Variants in CPT1A observed in about 807,000 individuals in gnomAD.
CPT1A encodes carnitine palmitoyltransferase 1A, also known as carnitine O-palmitoyltransferase 1, liver isoform.
In CPT1A, 64 loss-of-function variants were observed where a neutral mutation model predicts 100.8. The ratio of observed to expected loss-of-function variants is 0.63; its 90% CI spans 0.52 to 0.78. The LOEUF (loss-of-function observed/expected upper bound fraction) is 0.78, where lower values mean the gene tolerates loss of function less well. Ranked by LOEUF, CPT1A falls within the 30% of genes least tolerant of loss-of-function variation. The pLI is 0.00. For synonymous variants in CPT1A, 363 were observed against 396.0 expected (o/e 0.92, Z 0.99); for missense variants, 802 against 1,034.1 (o/e 0.78, Z 3.08).
At chr11:68,839,771 C>G (rs567586158) in intron 1 of CPT1A, 1 of 960,574 alleles carries the variant, frequency 1.0e-6, no homozygotes, top group Non-Finnish European at 1.2e-6. Context: ...AAGGGCAGGC[C>G]CTCGTTCCAG....
intron 8 of CPT1A, 146 bp from the exon 9 acceptor site, chr11:68,793,548 A>C: frequency 1.6e-6 from 1 of 609,136 alleles, no homozygotes. Context: ...GATGGAGACC[A>C]TCCTGGCTAA....
rs147395530 is a variant in CPT1A at position 68,803,916 on chromosome 11, G to A, written c.555+84C>T. ...CTGAAGGCTACTTGAGCCAAATGGC[G>A]GTGACCTAGTTCATCATAATTAAGA... On this transcript the variant is annotated intron_variant, in intron 5 of 18. Transcript: ENST00000265641. 5.0e-4 allele frequency: 544 copies of A among 1,078,462 alleles called. 2 individuals are homozygous for A. The African/African-American group carries it at 7.4e-3, about 15-fold the overall frequency. 66.8% of individuals were successfully genotyped at this position (1,078,462 alleles called of 1,614,324 possible).
chr11:68,764,267 A>T (rs560428259), intron 14 of CPT1A, among the ~76,000 whole-genome samples: 7 of 152,330 alleles, frequency 4.6e-5, no homozygotes, highest in African/African-American at 1.7e-4. Context: ...AGTGGGGACG[A>T]GAAGGTGATA....
At chr11:68,779,752 T>C (rs770018639) in intron 12 of CPT1A, among the ~76,000 whole-genome samples, 6 of 143,886 alleles carry the variant, frequency 4.2e-5, no homozygotes, top group Non-Finnish European at 9.0e-5. Flanking sequence ...GCTATGATTG[T>C]GCCACTGCAC....
At chr11:68,773,522 G>A in intron 13 of CPT1A, 93 bp from the exon 14 acceptor site, 5 of 1,590,778 alleles carry the variant, frequency 3.1e-6, no homozygotes, top group Non-Finnish European at 4.3e-6. Context: ...TTTTAGTGCA[G>A]CTATAAACTC....
At chr11:68,764,209 AG>A (rs1854720380) in intron 14 of CPT1A, among the ~76,000 whole-genome samples, 1 of 152,220 alleles carries the variant, frequency 6.6e-6, no homozygotes, top group African/African-American at 2.4e-5. Context: ...TGCTGCCCCA[AG>A]AAGGGGCCCG....
At position 68,812,526 on chromosome 11, in the gene CPT1A, G is replaced by A. The variant is rs142691028; in HGVS notation, c.192C>T (p.Ile64=). The change falls in exon 3 of 19, where the codon ATC becomes ATT. Residue 64 remains isoleucine (I), a synonymous_variant. Transcript: ENST00000265641. ...TCGTTGTCATCACGCCCACCACCAC[G>A]ATAAGCCAACTGGAGGGGCTTGCCG... ...VYPASPSSWL[I]VVVGVMTTMY... is the part of the protein sequence containing the mutation. The A allele has an allele frequency of 1.2e-4, 199 of 1,614,026 alleles. No individual in the cohort carries two copies. Among genetic ancestry groups the A allele is most frequent in the Middle Eastern group, 3.3e-4 (2 of 6,084 alleles).
chr11:68,812,936 C>T (rs963075476), intron 2 of CPT1A, among the ~76,000 whole-genome samples: 5 of 151,920 alleles, frequency 3.3e-5, no homozygotes, highest in African/African-American at 7.3e-5. Flanking sequence ...TAGAATGCCC[C>T]GAGACCCCGG....
chr11:68,758,511 C>T (rs567269319), intron 18 of CPT1A, among the ~76,000 whole-genome samples: 48 of 152,168 alleles, frequency 3.2e-4, no homozygotes, highest in Non-Finnish European at 6.2e-4. Flanking sequence ...AGTTCATCTT[C>T]CAAGTGCTAA....
At chr11:68,814,736 G>T (rs926252473) in intron 2 of CPT1A, among the ~76,000 whole-genome samples, 2 of 152,086 alleles carry the variant, frequency 1.3e-5, no homozygotes, top group Non-Finnish European at 2.9e-5. Context: ...GCCCAGGCTG[G>T]AGTGTGGTGG....
intron 4 of CPT1A, among the ~76,000 whole-genome samples, chr11:68,806,675 G>C (rs1856056047): frequency 6.7e-6 from 1 of 149,380 alleles, no homozygotes; most frequent in South Asian, 2.1e-4. Context: ...GTTCACACCT[G>C]TAATCCCAGC....
chr11:68,773,140 C>T, intron 14 of CPT1A, 125 bp downstream of exon 14: 2 of 1,518,866 alleles, frequency 1.3e-6, no homozygotes, highest in South Asian at 1.2e-5. Flanking sequence ...AGACCGGGGT[C>T]GGGGGGAGCT....
chr11:68,816,861 T>TGC (rs1430205153), intron 1 of CPT1A, among the ~76,000 whole-genome samples: 3 of 133,552 alleles, frequency 2.2e-5, no homozygotes, highest in Non-Finnish European at 3.2e-5. Flanking sequence ...GTGTGGTGTG[T>TGC]GTGTGTGGTG....
At position 68,841,804 on chromosome 11, in the gene CPT1A, AGCGGCAGCG is replaced by A. The variant is rs1389068637; in HGVS notation, c.-52_-44del. The A allele has an allele frequency of 1.0e-6, 1 of 997,612 alleles. No individual in the cohort carries two copies. Among genetic ancestry groups the A allele is most frequent in the Non-Finnish European group, 1.2e-6 (1 of 840,298 alleles). The allele number at this position is 997,612 out of a possible 1,614,324, so 61.8% of individuals were successfully genotyped here. A position where few individuals can be genotyped will look rare whatever the true frequency, so the allele number is the denominator to read the frequency against. On this transcript the variant is annotated 5_prime_UTR_variant, in exon 1 of 19. Transcript: ENST00000265641. The surrounding 1 kb of genome is among the most constrained non-coding windows in gnomAD (Gnocchi z 6.3). Reference sequence around the variant, plus strand: ...TCAGCTACGGAGGTGCGGCAGCGGCAGCGGCAGCGGCGGCGGCGGCGGCGGCGGTGGAGT... The same window carrying A: ...TCAGCTACGGAGGTGCGGCAGCGGCAGCGGCGGCGGCGGCGGCGGTGGAGT...
intron 1 of CPT1A, among the ~76,000 whole-genome samples, 179 bp from the exon 2 acceptor site, chr11:68,815,666 C>T (rs1186339416): frequency 2.6e-5 from 4 of 152,200 alleles, no homozygotes; most frequent in Admixed American, 6.5e-5. Flanking sequence ...GCCTGTCCAC[C>T]GCTACAAAGA....
chr11:68,822,858 T>G (rs865975686), intron 1 of CPT1A, among the ~76,000 whole-genome samples: 61 of 152,278 alleles, frequency 4.0e-4, no homozygotes, highest in African/African-American at 1.4e-3. Context: ...TGATTCTATT[T>G]ATTCTAAATG....
At chr11:68,827,793 G>C (rs919942097) in intron 1 of CPT1A, among the ~76,000 whole-genome samples, 1 of 152,156 alleles carries the variant, frequency 6.6e-6, no homozygotes, top group African/African-American at 2.4e-5. Flanking sequence ...ACACGTGCGA[G>C]GCACACACAA....
In CPT1A at chr11:68,756,444, T is replaced by C. The variant is rs1473774462; in HGVS notation, c.*1200A>G. 1 of 152,198 alleles carries C rather than the reference T, an allele frequency of 6.6e-6. No homozygotes were observed. Among genetic ancestry groups the C allele is most frequent in the Non-Finnish European group, 1.5e-5 (1 of 68,048 alleles). 9.4% of individuals were successfully genotyped at this position (152,198 alleles called of 1,614,324 possible). A position where few individuals can be genotyped will look rare whatever the true frequency, so the allele number is the denominator to read the frequency against. ...CAGGCTGGGTGAACACCTAGCACTG[T>C]CACTTGAGACATCTTGGCTGGTCAC... On this transcript the variant is annotated 3_prime_UTR_variant, in exon 19 of 19. Transcript: ENST00000265641.
intron 9 of CPT1A, among the ~76,000 whole-genome samples, chr11:68,786,531 G>A (rs1855466725): frequency 1.3e-5 from 2 of 152,142 alleles, no homozygotes; most frequent in Non-Finnish European, 2.9e-5. Context: ...TATTATGCCC[G>A]ATCTCATGTT....
Sources: allele counts gnomAD v4.1 joint callset (sites outside exome capture counted in the v4.1 genomes callset), GRCh38; gene constraint gnomAD v4.1.1; non-coding constraint Gnocchi (gnomAD v3.1); transcripts MANE v1.5; gene names NCBI Gene and HGNC (gene_info 2026-07-23, HGNC 2026-07-21).